The following R3HDM1 variants were observed in gnomAD, a reference collection of about 807,000 sequenced individuals.
The protein encoded by R3HDM1 is R3H domain containing 1, also known as R3H domain-containing protein 1.
Under a neutral mutation model 141.1 loss-of-function variants are expected in R3HDM1, and 46 were observed. The observed-to-expected ratio is 0.33, with a 90% confidence interval of 0.26 to 0.42. The LOEUF (loss-of-function observed/expected upper bound fraction) is 0.42, where lower values mean the gene tolerates loss of function less well. Among genes scored for constraint, R3HDM1 ranks in the 10% least tolerant of loss-of-function variants. R3HDM1 has a pLI of 1.00. For synonymous variants in R3HDM1, 435 were observed against 472.9 expected, an observed-to-expected ratio of 0.92 and a Z score of 1.04; for missense variants, 1,184 against 1,368.3, an observed-to-expected ratio of 0.87 and a Z score of 2.12.
intron 3 of R3HDM1, among the ~76,000 whole-genome samples, chr2:135,614,040 T>C (rs981781374): frequency 6.6e-6 from 1 of 152,238 alleles, no homozygotes; most frequent in Non-Finnish European, 1.5e-5. Context: ...TGTGAGGTCT[T>C]TAAGACCAGG....
intron 1 of R3HDM1, among the ~76,000 whole-genome samples, chr2:135,560,826 G>A (rs766139789): frequency 1.3e-5 from 2 of 152,122 alleles, no homozygotes; most frequent in African/African-American, 2.4e-5. Context: ...AGAGACTGTC[G>A]TGGAGGCTGT....
At chr2:135,614,270 G>T (rs1250756281) in intron 3 of R3HDM1, among the ~76,000 whole-genome samples, 1 of 152,094 alleles carries the variant, frequency 6.6e-6, no homozygotes, top group Non-Finnish European at 1.5e-5. Context: ...ATTACGATAG[G>T]AACAATATAC....
intron 1 of R3HDM1, among the ~76,000 whole-genome samples, chr2:135,579,471 T>C (rs1316931681): frequency 1.3e-5 from 2 of 151,800 alleles, no homozygotes; most frequent in African/African-American, 2.4e-5. Flanking sequence ...AAATATTGCA[T>C]GCAAGAACTA....
At chr2:135,591,984 G>C (rs1241199091) in intron 1 of R3HDM1, among the ~76,000 whole-genome samples, 1 of 152,164 alleles carries the variant, frequency 6.6e-6, no homozygotes, top group African/African-American at 2.4e-5. Flanking sequence ...CCAAGCTTCA[G>C]TGTTCAGAGT....
intron 1 of R3HDM1, among the ~76,000 whole-genome samples, chr2:135,573,977 A>G (rs1474372325): frequency 1.3e-5 from 2 of 152,216 alleles, no homozygotes; most frequent in African/African-American, 4.8e-5. Flanking sequence ...TTAGGAAAAC[A>G]AAGTAAACCT....
chr2:135,697,743 A>G (rs534419513), intron 21 of R3HDM1, among the ~76,000 whole-genome samples: 1 of 152,296 alleles, frequency 6.6e-6, no homozygotes, highest in Non-Finnish European at 1.5e-5. Context: ...TGGTAAAATT[A>G]TACAAGAAAT....
At chr2:135,696,410 T>C (rs1404095668) in intron 21 of R3HDM1, among the ~76,000 whole-genome samples, 3 of 152,204 alleles carry the variant, frequency 2.0e-5, no homozygotes. Flanking sequence ...GGTGTGCATA[T>C]ACATAAAACT....
intron 1 of R3HDM1, among the ~76,000 whole-genome samples, chr2:135,595,183 A>G (rs1324428544): frequency 6.6e-6 from 1 of 152,224 alleles, no homozygotes; most frequent in Non-Finnish European, 1.5e-5. Flanking sequence ...GGCAAAACTG[A>G]AATCATCGTT....
At chr2:135,638,557 C>T in intron 11 of R3HDM1, 61 bp from the exon 12 acceptor site, 1 of 1,478,254 alleles carries the variant, frequency 6.8e-7, no homozygotes, top group Non-Finnish European at 9.4e-7. Flanking sequence ...CATTGGTTTA[C>T]AGATGGCATT....
chr2:135,698,980 CAGATAGATAGATAGATAGATAGAT>C (rs71400533), intron 21 of R3HDM1, among the ~76,000 whole-genome samples: 7 of 78,188 alleles, frequency 9.0e-5, no homozygotes, highest in African/African-American at 3.4e-4. Flanking sequence ...ATATTACACT[CAGATAGATAGATAGATAGATAGAT>C]AGATAGATAG....
chr2:135,608,004 T>C, intron 3 of R3HDM1: 1 of 970,674 alleles, frequency 1.0e-6, no homozygotes, highest in Non-Finnish European at 1.2e-6. Context: ...TCATTGTTTA[T>C]TGAAGTATTT....
chr2:135,651,147 G>GA (rs1230153834), intron 17 of R3HDM1: 173 of 985,208 alleles, frequency 1.8e-4, no homozygotes, highest in Non-Finnish European at 2.0e-4. Context: ...AGAACAGATT[G>GA]AAAAACACAA....
At chr2:135,687,750 C>T (rs1440920859) in intron 21 of R3HDM1, among the ~76,000 whole-genome samples, 1 of 152,140 alleles carries the variant, frequency 6.6e-6, no homozygotes, top group Non-Finnish European at 1.5e-5. Flanking sequence ...TTTTCTGGCT[C>T]GTCAAACCAA....
At chr2:135,616,271 C>T in intron 4 of R3HDM1, 78 bp downstream of exon 4, 1 of 1,374,536 alleles carries the variant, frequency 7.3e-7, no homozygotes, top group Non-Finnish European at 1.0e-6. Flanking sequence ...TCATATAGCA[C>T]TACATTCAGT....
intron 24 of R3HDM1, among the ~76,000 whole-genome samples, chr2:135,721,005 A>C (rs754716064): frequency 6.6e-6 from 1 of 152,134 alleles, no homozygotes; most frequent in Non-Finnish European, 1.5e-5. Flanking sequence ...TTAGTGTCAT[A>C]GTTTTCTTAG....
At chr2:135,531,794 C>T (rs1694780897) in intron 1 of R3HDM1, 161 bp downstream of exon 1, 12 of 985,392 alleles carry the variant, frequency 1.2e-5, no homozygotes, top group Non-Finnish European at 1.3e-5. Context: ...GTCGGCGCTT[C>T]AGCCAGGGCC....
At chr2:135,667,395 T>TAAAAA (rs3074519) in intron 19 of R3HDM1, among the ~76,000 whole-genome samples, 10 of 150,498 alleles carry the variant, frequency 6.6e-5, no homozygotes, top group African/African-American at 2.4e-4. Flanking sequence ...GGTAGTGTTT[T>TAAAAA]AAAAAAAAAA....
At chr2:135,534,666 A>G (rs1695660798) in intron 1 of R3HDM1, among the ~76,000 whole-genome samples, 1 of 152,238 alleles carries the variant, frequency 6.6e-6, no homozygotes, top group Non-Finnish European at 1.5e-5. Flanking sequence ...AGGTATATAT[A>G]TGGTGGGCCT....
intron 1 of R3HDM1, among the ~76,000 whole-genome samples, chr2:135,558,290 T>C (rs2104949915): frequency 6.6e-6 from 1 of 152,324 alleles, no homozygotes; most frequent in African/African-American, 2.4e-5. Flanking sequence ...AAGAACTGAA[T>C]TTTTAATTAT....
Sources: allele counts gnomAD v4.1 joint callset (sites outside exome capture counted in the v4.1 genomes callset), GRCh38; gene constraint gnomAD v4.1.1; transcripts MANE v1.5; gene names NCBI Gene and HGNC (gene_info 2026-07-23, HGNC 2026-07-21).